The following PIGL variants were observed in gnomAD, a reference collection of about 807,000 sequenced individuals.
PIGL encodes the protein N-acetylglucosaminyl-phosphatidylinositol de-N-acetylase.
Under a neutral mutation model 31.1 loss-of-function variants are expected in PIGL, and 22 were observed. That is an observed-to-expected ratio of 0.71 (90% CI 0.51 to 1.01). The LOEUF (loss-of-function observed/expected upper bound fraction) is 1.01. Among genes scored for constraint, PIGL ranks in the 50% least tolerant of loss-of-function variants. PIGL has a pLI of 0.00. For missense variants in PIGL, 302 were observed against 315.9 expected (o/e 0.96, Z 0.33); for synonymous variants, 131 against 117.4 (o/e 1.12, Z -0.75).
intron 2 of PIGL, among the ~76,000 whole-genome samples, chr17:16,286,395 A>G (rs983675342): frequency 6.6e-6 from 1 of 152,160 alleles, no homozygotes; most frequent in African/African-American, 2.4e-5. Flanking sequence ...GGCTTCCCTC[A>G]CCAGCACCTG....
intron 2 of PIGL, among the ~76,000 whole-genome samples, chr17:16,295,317 C>T (rs942507040): frequency 3.2e-4 from 48 of 151,260 alleles, no homozygotes; most frequent in African/African-American, 1.1e-3. Flanking sequence ...GCAGGAGAAT[C>T]GCTTGAACCC....
At chr17:16,267,838 G>A (rs1016837562) in intron 2 of PIGL, among the ~76,000 whole-genome samples, 1 of 152,108 alleles carries the variant, frequency 6.6e-6, no homozygotes, top group African/African-American at 2.4e-5. Flanking sequence ...GTGCAACTTG[G>A]AGCACCAGAA....
At chr17:16,255,702 G>A (rs915770873) in intron 2 of PIGL, among the ~76,000 whole-genome samples, 2 of 152,106 alleles carry the variant, frequency 1.3e-5, no homozygotes, top group African/African-American at 4.8e-5. Flanking sequence ...ATCTGACCAC[G>A]CGTCCTCTCA....
chr17:16,274,294 T>G (rs911185470), intron 2 of PIGL, among the ~76,000 whole-genome samples: 3 of 152,144 alleles, frequency 2.0e-5, no homozygotes, highest in Non-Finnish European at 2.9e-5. Flanking sequence ...GACAAGCAGT[T>G]CAGACCTGAG....
chr17:16,316,562 C>G, intron 4 of PIGL, 119 bp from the exon 5 acceptor site: 2 of 960,994 alleles, frequency 2.1e-6, no homozygotes, highest in Admixed American at 4.7e-5. Flanking sequence ...AAAGAAACCA[C>G]CTGGAGACTC....
At chr17:16,254,025 CT>C (rs1438831234) in intron 2 of PIGL, among the ~76,000 whole-genome samples, 3 of 152,124 alleles carry the variant, frequency 2.0e-5, no homozygotes. Context: ...TAAGCTGTGC[CT>C]CAAATATACC....
At chr17:16,254,512 C>T (rs1465192649) in intron 2 of PIGL, among the ~76,000 whole-genome samples, 1 of 152,154 alleles carries the variant, frequency 6.6e-6, no homozygotes. Flanking sequence ...AGGTAATCCG[C>T]CCACCTCGGC....
chr17:16,317,714 G>A, intron 5 of PIGL, 61 bp from the exon 6 acceptor site: 1 of 1,608,030 alleles, frequency 6.2e-7, no homozygotes, highest in Non-Finnish European at 8.5e-7. Flanking sequence ...AGGATGCTCA[G>A]GGGAAAATCT....
At chr17:16,292,022 T>C (rs1224080947) in intron 2 of PIGL, among the ~76,000 whole-genome samples, 1 of 149,888 alleles carries the variant, frequency 6.7e-6, no homozygotes, top group East Asian at 1.9e-4. Context: ...TTTTTCAAAG[T>C]AATGGAGCTC....
intron 2 of PIGL, among the ~76,000 whole-genome samples, chr17:16,255,076 G>A (rs1219030741): frequency 6.6e-6 from 1 of 152,210 alleles, no homozygotes; most frequent in African/African-American, 2.4e-5. Context: ...TGATGCCTAA[G>A]CTATCCAACC....
chr17:16,265,220 T>C (rs115083881), intron 2 of PIGL, among the ~76,000 whole-genome samples: 101 of 152,270 alleles, frequency 6.6e-4, no homozygotes, highest in African/African-American at 2.3e-3. Context: ...CTTAGGGATA[T>C]ATGGTAAGGT....
chr17:16,303,864 G>A (rs988274656), intron 3 of PIGL, among the ~76,000 whole-genome samples: 13 of 152,054 alleles, frequency 8.5e-5, no homozygotes, highest in Middle Eastern at 3.2e-3. Context: ...ACAGGCGCCC[G>A]CCACCATGCT....
At chr17:16,291,203 G>C (rs911414192) in intron 2 of PIGL, among the ~76,000 whole-genome samples, 4 of 152,134 alleles carry the variant, frequency 2.6e-5, no homozygotes, top group African/African-American at 9.7e-5. Context: ...CTTTCCAACT[G>C]TGAAAAGAAG....
At chr17:16,221,876 C>T (rs1223087335) in intron 1 of PIGL, among the ~76,000 whole-genome samples, 2 of 152,114 alleles carry the variant, frequency 1.3e-5, no homozygotes, top group Admixed American at 6.6e-5. Flanking sequence ...ACCTCGGCCT[C>T]CCAGAATGCT....
chr17:16,263,071 G>A (rs924643801), intron 2 of PIGL, among the ~76,000 whole-genome samples: 1 of 126,146 alleles, frequency 7.9e-6, no homozygotes, highest in Admixed American at 9.1e-5. Context: ...GAAAAATGGG[G>A]TTTATTATAA....
intron 2 of PIGL, chr17:16,284,194 C>T (rs563538215): frequency 6.6e-6 from 1 of 152,300 alleles, no homozygotes; most frequent in African/African-American, 2.4e-5. Flanking sequence ...CCAGGCTGGT[C>T]TTGAACTCCT....
intron 2 of PIGL, among the ~76,000 whole-genome samples, chr17:16,285,311 G>A (rs2092932749): frequency 6.6e-6 from 1 of 152,220 alleles, no homozygotes; most frequent in Non-Finnish European, 1.5e-5. Context: ...TCCAGGCCGG[G>A]CGCGGTGGCT....
At chr17:16,317,327 G>A in intron 5 of PIGL, 2 of 982,666 alleles carry the variant, frequency 2.0e-6, no homozygotes, top group East Asian at 1.9e-4. Context: ...TATCAATCCT[G>A]TGAGACAGGC....
At chr17:16,286,016 G>A (rs1290468139) in intron 2 of PIGL, among the ~76,000 whole-genome samples, 1 of 152,250 alleles carries the variant, frequency 6.6e-6, no homozygotes, top group Non-Finnish European at 1.5e-5. Context: ...CCCAGGTTAG[G>A]CTTCCACGTC....
Sources: allele counts gnomAD v4.1 joint callset (sites outside exome capture counted in the v4.1 genomes callset), GRCh38; gene constraint gnomAD v4.1.1; transcripts MANE v1.5; gene names NCBI Gene and HGNC (gene_info 2026-07-23, HGNC 2026-07-21).